Variants in SRPK2 observed in about 807,000 individuals in gnomAD.
SRPK2 encodes the protein SRSF protein kinase 2.
A neutral mutation model predicts 90.8 loss-of-function variants in SRPK2; 21 were observed. The observed-to-expected ratio is 0.23, with a 90% CI of 0.16 to 0.33. The LOEUF is 0.33. Among genes scored for constraint, SRPK2 ranks in the 10% least tolerant of loss-of-function variants. SRPK2 has a pLI of 1.00. For missense variants in SRPK2, 620 were observed against 869.0 expected, an observed-to-expected ratio of 0.71 and a Z score of 3.60; for synonymous variants, 288 against 311.1, an observed-to-expected ratio of 0.93 and a Z score of 0.78.
At chr7:105,394,990 A>G (rs998079206) in intron 1 of SRPK2, among the ~76,000 whole-genome samples, 4 of 151,984 alleles carry the variant, frequency 2.6e-5, no homozygotes, top group African/African-American at 9.7e-5. Context: ...CTGGCCAACA[A>G]GGTGAAACCC....
In SRPK2 at chr7:105,196,866, A is replaced by G. The variant is rs532625945; in HGVS notation, c.229+6762T>C. Reference sequence around the variant, plus strand: ...GGAGTTCGAGACCAGCATGGCCAACATGGTGAAACCTCATCTCTACTAAAA... The same window carrying G: ...GGAGTTCGAGACCAGCATGGCCAACGTGGTGAAACCTCATCTCTACTAAAA... On this transcript the variant is annotated intron_variant, in intron 3 of 15. Coordinates refer to ENST00000393651, the MANE Select transcript of SRPK2 (RefSeq NM_182692.3). Among the ~76,000 whole-genome samples the G allele has an allele frequency of 5.3e-5, 8 of 152,256 alleles. No homozygotes were observed. The East Asian group carries it at 1.2e-3, about 22-fold the overall frequency.
At chr7:105,351,260 G>A (rs1268008883) in intron 2 of SRPK2, among the ~76,000 whole-genome samples, 2 of 152,096 alleles carry the variant, frequency 1.3e-5, no homozygotes, top group Non-Finnish European at 2.9e-5. Flanking sequence ...CCACCAGCAA[G>A]AAGGTCCTCA....
intron 2 of SRPK2, among the ~76,000 whole-genome samples, chr7:105,383,323 T>A (rs1821170935): frequency 6.6e-6 from 1 of 151,212 alleles, no homozygotes; most frequent in South Asian, 2.1e-4. Flanking sequence ...CACCTCAGCC[T>A]CCCAAAGTGC....
At chr7:105,241,967 T>C (rs559815576) in intron 2 of SRPK2, among the ~76,000 whole-genome samples, 1 of 152,168 alleles carries the variant, frequency 6.6e-6, no homozygotes, top group South Asian at 2.1e-4. Context: ...GTCTGCCATA[T>C]TCTACCTGAT....
chr7:105,273,145 G>T (rs1181752992), intron 2 of SRPK2, among the ~76,000 whole-genome samples: 1 of 151,930 alleles, frequency 6.6e-6, no homozygotes, highest in Non-Finnish European at 1.5e-5. Context: ...AACCCGGGAG[G>T]CGGAGGTTGC....
chr7:105,322,076 T>C lies in SRPK2; in HGVS notation c.71+66572A>G, dbSNP rs190886816. On this transcript the variant is annotated intron_variant, in intron 2 of 15. Transcript: ENST00000393651. ...ACCAACAAATGAATGGATGAACAAA[T>C]CCTGGTGTATAGATACAATGAAATA... is the stretch of plus-strand genomic sequence containing the variant. Among the ~76,000 whole-genome samples the C allele has an allele frequency of 1.2e-4, 19 of 152,138 alleles. No homozygotes were observed. The East Asian group carries it at 1.9e-3, about 15-fold the overall frequency.
At chr7:105,164,172 AG>A (rs1808156324) in intron 6 of SRPK2, among the ~76,000 whole-genome samples, 1 of 152,202 alleles carries the variant, frequency 6.6e-6, no homozygotes, top group Non-Finnish European at 1.5e-5. Context: ...TGAAGAGGAA[AG>A]GTCACTGCAA....
At chr7:105,224,366 T>G (rs1249061590) in intron 2 of SRPK2, among the ~76,000 whole-genome samples, 1 of 152,106 alleles carries the variant, frequency 6.6e-6, no homozygotes, top group Non-Finnish European at 1.5e-5. Context: ...TCCTAGGACT[T>G]TGGGACTCTG....
At chr7:105,265,251 T>C (rs767277918) in intron 2 of SRPK2, among the ~76,000 whole-genome samples, 2 of 151,956 alleles carry the variant, frequency 1.3e-5, no homozygotes, top group African/African-American at 2.4e-5. Flanking sequence ...TATAAAACAA[T>C]AAAAAATAAA....
intron 2 of SRPK2, among the ~76,000 whole-genome samples, chr7:105,318,509 CTAAA>C (rs950176159): frequency 3.9e-5 from 6 of 152,186 alleles, no homozygotes; most frequent in African/African-American, 1.2e-4. Flanking sequence ...CTTTGGGCTC[CTAAA>C]TAATTTTTTA....
chr7:105,299,195 C>T (rs949925188), intron 2 of SRPK2, among the ~76,000 whole-genome samples: 3 of 152,326 alleles, frequency 2.0e-5, no homozygotes, highest in African/African-American at 7.2e-5. Context: ...CACACAGTCT[C>T]ACCATCCCAA....
At position 105,193,649 on chromosome 7, in the gene SRPK2, T is replaced by G. The variant is rs373743764; in HGVS notation, c.229+9979A>C. Among the ~76,000 whole-genome samples, 469 of 152,326 alleles carry G rather than the reference T, an allele frequency of 3.1e-3. 24 individuals are homozygous for G. The South Asian group carries it at 0.092, about 30-fold the overall frequency. ...AGTATGGTCATTTTCGCAATACTGA[T>G]TCTACCCACCTATGAGCATGGGATG... On this transcript the variant is annotated intron_variant, in intron 3 of 15. Transcript: ENST00000393651.
chr7:105,325,906 C>G (rs1474911825), intron 2 of SRPK2, among the ~76,000 whole-genome samples: 1 of 152,212 alleles, frequency 6.6e-6, no homozygotes, highest in Non-Finnish European at 1.5e-5. Context: ...ATCTGTGGGA[C>G]TACGACTGAA....
At chr7:105,228,186 G>T (rs1440648520) in intron 2 of SRPK2, among the ~76,000 whole-genome samples, 4 of 152,058 alleles carry the variant, frequency 2.6e-5, no homozygotes, top group African/African-American at 7.2e-5. Context: ...ATGGCACCCA[G>T]CCCAATCTCC....
chr7:105,167,268 G>C (rs1282113272), intron 6 of SRPK2, 109 bp downstream of exon 6: 1 of 831,792 alleles, frequency 1.2e-6, no homozygotes, highest in Non-Finnish European at 1.9e-6. Flanking sequence ...AATGTTCCTA[G>C]AGTGTTTATG....
chr7:105,344,633 G>A (rs1816240867), intron 2 of SRPK2, among the ~76,000 whole-genome samples: 1 of 151,838 alleles, frequency 6.6e-6, no homozygotes, highest in East Asian at 1.9e-4. Context: ...AAACACACAT[G>A]ACAGGCTATA....
intron 2 of SRPK2, among the ~76,000 whole-genome samples, chr7:105,291,282 G>A (rs943633516): frequency 6.6e-6 from 1 of 152,140 alleles, no homozygotes; most frequent in African/African-American, 2.4e-5. Flanking sequence ...AATAAAATGA[G>A]GTATGCCTGT....
intron 3 of SRPK2, among the ~76,000 whole-genome samples, chr7:105,180,426 T>C (rs892453811): frequency 4.6e-5 from 7 of 152,108 alleles, no homozygotes; most frequent in South Asian, 4.1e-4. Context: ...AAAATCAAGA[T>C]GGATTAAGAG....
chr7:105,182,365 G>A (rs1365887413), intron 3 of SRPK2, among the ~76,000 whole-genome samples: 1 of 151,736 alleles, frequency 6.6e-6, no homozygotes, highest in Non-Finnish European at 1.5e-5. Context: ...GTTTGAGGCT[G>A]AGAAAGAAAA....
Sources: allele counts gnomAD v4.1 joint callset (sites outside exome capture counted in the v4.1 genomes callset), GRCh38; gene constraint gnomAD v4.1.1; transcripts MANE v1.5; gene names NCBI Gene and HGNC (gene_info 2026-07-23, HGNC 2026-07-21).